The following ICA1L variants were observed in gnomAD, a reference collection of about 807,000 sequenced individuals.
ICA1L encodes islet cell autoantigen 1-like protein.
In ICA1L, 50 loss-of-function variants were observed where a neutral mutation model predicts 61.3. That is an observed-to-expected ratio of 0.82 (90% CI 0.65 to 1.03). ICA1L has a LOEUF of 1.03. Among genes scored for constraint, ICA1L ranks in the 50% least tolerant of loss-of-function variants. The pLI is 0.00. For missense variants in ICA1L, 508 were observed against 556.7 expected (o/e 0.91, Z 0.88); for synonymous variants, 161 against 191.3 (o/e 0.84, Z 1.31).
In ICA1L at chr2:202,866,934, G is replaced by A. The variant is rs191981974; in HGVS notation, c.-8+4685C>T. Among the ~76,000 whole-genome samples, 35 of 152,170 alleles carry A rather than the reference G, an allele frequency of 2.3e-4. No homozygotes were observed. In the East Asian group the frequency reaches 4.2e-3, roughly 18 times the overall value. On this transcript the variant is annotated intron_variant, in intron 1 of 12. Transcript: ENST00000358299. Reference sequence around the variant, plus strand: ...TACACTCCAGCCAGGGCGAGAGCACGAGACTCCATCTCAAAAAACTGTAAA... The same window carrying A: ...TACACTCCAGCCAGGGCGAGAGCACAAGACTCCATCTCAAAAAACTGTAAA...
intron 1 of ICA1L, chr2:202,841,070 G>A: frequency 1.6e-6 from 1 of 638,434 alleles, no homozygotes; most frequent in Non-Finnish European, 3.0e-6. Context: ...CCAAGATCTG[G>A]GACTGCAGCT....
intron 9 of ICA1L, among the ~76,000 whole-genome samples, chr2:202,806,646 C>T (rs1227611343): frequency 2.4e-4 from 26 of 109,904 alleles, no homozygotes; most frequent in Non-Finnish European, 4.4e-4. Context: ...GACTCTGTCT[C>T]AAAAAAAAAA....
In ICA1L at chr2:202,779,062, G is replaced by GA. The variant is rs1692314070; in HGVS notation, c.*470dup. The GA allele has an allele frequency of 6.6e-6, 1 of 152,506 alleles. No homozygotes were observed. The highest frequency in any genetic ancestry group is 1.5e-5 in the Non-Finnish European group (1 of 68,274). 9.4% of individuals were successfully genotyped at this position (152,506 alleles called of 1,614,324 possible). A position where few individuals can be genotyped will look rare whatever the true frequency, so the allele number is the denominator to read the frequency against. On this transcript the variant is annotated 3_prime_UTR_variant, in exon 13 of 13. Coordinates refer to ENST00000358299, the MANE Select transcript of ICA1L (RefSeq NM_001288622.3). ...GGTTCTAATGGTGTTTTCCAAAACA[G>GA]AAAATCCTCCTCGCTACTATTTCAT...
At chr2:202,840,488 C>T in intron 1 of ICA1L, 1 of 519,382 alleles carries the variant, frequency 1.9e-6, no homozygotes, top group Non-Finnish European at 3.8e-6. Context: ...GAGGCTGGGG[C>T]TTGTGAGACC....
chr2:202,792,081 C>A (rs1434895811), intron 10 of ICA1L, among the ~76,000 whole-genome samples: 1 of 151,806 alleles, frequency 6.6e-6, no homozygotes, highest in African/African-American at 2.4e-5. Context: ...GGCAGGAGAA[C>A]CACTTGAACC....
In ICA1L at chr2:202,779,455, A is replaced by AATC. The variant is rs1243115528; in HGVS notation, c.*75_*77dup. ...CACCGTGCTTTTGTGTGCGGGTTAC[A>AATC]ATCTAAATCCTTTCCACGAAGGAAA... On this transcript the variant is annotated 3_prime_UTR_variant, in exon 13 of 13. Coordinates refer to ENST00000358299, the MANE Select transcript of ICA1L (RefSeq NM_001288622.3). 2.4e-6 allele frequency: 2 copies of AATC among 845,754 alleles called. No homozygotes were observed. Among genetic ancestry groups the AATC allele is most frequent in the Non-Finnish European group, 3.8e-6 (2 of 527,524 alleles). 52.4% of individuals were successfully genotyped at this position (845,754 alleles called of 1,614,324 possible). A position where few individuals can be genotyped will look rare whatever the true frequency, so the allele number is the denominator to read the frequency against.
intron 2 of ICA1L, 121 bp downstream of exon 2, chr2:202,828,727 A>G: frequency 2.5e-6 from 2 of 803,344 alleles, no homozygotes; most frequent in Non-Finnish European, 4.1e-6. Flanking sequence ...ACAACTAAAC[A>G]TTCTATTATC....
chr2:202,836,852 T>C (rs1694166914), intron 1 of ICA1L, among the ~76,000 whole-genome samples: 1 of 151,020 alleles, frequency 6.6e-6, no homozygotes, highest in African/African-American at 2.4e-5. Flanking sequence ...TAGATATAGA[T>C]ATTTTTTTAG....
At chr2:202,811,380 C>T (rs997049792) in intron 9 of ICA1L, among the ~76,000 whole-genome samples, 67 of 151,932 alleles carry the variant, frequency 4.4e-4, no homozygotes, top group African/African-American at 1.4e-3. Flanking sequence ...GGAGGCTGGG[C>T]GCGGTGGCTC....
At chr2:202,866,857 G>A (rs1687531840) in intron 1 of ICA1L, among the ~76,000 whole-genome samples, 1 of 152,078 alleles carries the variant, frequency 6.6e-6, no homozygotes, top group South Asian at 2.1e-4. Flanking sequence ...TGAGGCAGGA[G>A]AATCGCTTGA....
rs914511150 is a variant in ICA1L at position 202,776,291 on chromosome 2, C to CT, written c.*3241dup. 5.3e-5 allele frequency: 8 copies of CT among 152,092 alleles called. No individual in the cohort carries two copies. Among genetic ancestry groups the CT allele is most frequent in the Admixed American group, 2.6e-4 (4 of 15,292 alleles). 9.4% of individuals were successfully genotyped at this position (152,092 alleles called of 1,614,324 possible). On this transcript the variant is annotated 3_prime_UTR_variant, in exon 13 of 13. Coordinates refer to ENST00000358299, the MANE Select transcript of ICA1L (RefSeq NM_001288622.3). ...CTCCTAAAAAATGGTTGTAGACACA[C>CT]TAGGCAAAGTTTAGCTCGTCTGGTT...
intron 1 of ICA1L, among the ~76,000 whole-genome samples, chr2:202,835,491 G>T (rs1268570479): frequency 6.6e-6 from 1 of 150,590 alleles, no homozygotes; most frequent in East Asian, 2.0e-4. Context: ...CAGGCGTGAG[G>T]GACCCCACCT....
chr2:202,810,904 C>T (rs898667631), intron 9 of ICA1L, among the ~76,000 whole-genome samples: 5 of 152,100 alleles, frequency 3.3e-5, no homozygotes, highest in African/African-American at 4.8e-5. Context: ...AGGAAATTCC[C>T]GCTTAATAAA....
chr2:202,823,331 C>T (rs1429457884), intron 3 of ICA1L, among the ~76,000 whole-genome samples: 1 of 152,138 alleles, frequency 6.6e-6, no homozygotes, highest in East Asian at 1.9e-4. Flanking sequence ...ATACAATCGT[C>T]TTCAAGAAAT....
At position 202,777,509 on chromosome 2, in the gene ICA1L, G is replaced by A. The variant is rs967215669; in HGVS notation, c.*2024C>T. 2.0e-5 allele frequency: 3 copies of A among 152,100 alleles called. No homozygotes were observed. The highest frequency in any genetic ancestry group is 4.4e-5 in the Non-Finnish European group (3 of 68,030). 9.4% of individuals were successfully genotyped at this position (152,100 alleles called of 1,614,324 possible). A position where few individuals can be genotyped will look rare whatever the true frequency, so the allele number is the denominator to read the frequency against. Reference sequence around the variant, plus strand: ...TCTGGGAAATTTCACTGAGTATAAAGGAAGACTTAAGTCTTCTGAAGAGAT... The same window carrying A: ...TCTGGGAAATTTCACTGAGTATAAAAGAAGACTTAAGTCTTCTGAAGAGAT... On this transcript the variant is annotated 3_prime_UTR_variant, in exon 13 of 13. Transcript: ENST00000358299.
At chr2:202,792,589 G>T (rs1692787133) in intron 10 of ICA1L, among the ~76,000 whole-genome samples, 1 of 152,122 alleles carries the variant, frequency 6.6e-6, no homozygotes. Context: ...CAGATCACAA[G>T]GTCAGGAGAT....
chr2:202,800,847 C>G (rs1693069462), intron 9 of ICA1L, among the ~76,000 whole-genome samples: 1 of 151,950 alleles, frequency 6.6e-6, no homozygotes, highest in Non-Finnish European at 1.5e-5. Context: ...AAGGAAAACA[C>G]ATTTAAAAAG....
rs1209448044 is a variant in ICA1L, at chr2:202,819,686, G to A, written c.558+15C>T. ...TTTCATACACCAAGAAAAGGAAAGG[G>A]ATACGTTTTCATACTTTTCTAAACT... On this transcript the variant is annotated intron_variant, in intron 5 of 12. Transcript: ENST00000358299. 1.9e-6 allele frequency: 3 copies of A among 1,578,662 alleles called. No homozygotes were observed. Among genetic ancestry groups the A allele is most frequent in the Non-Finnish European group, 2.6e-6 (3 of 1,147,950 alleles).
At chr2:202,780,412 T>TTTTA (rs1692366569) in intron 12 of ICA1L, among the ~76,000 whole-genome samples, 1 of 152,168 alleles carries the variant, frequency 6.6e-6, no homozygotes, top group Admixed American at 6.5e-5. Flanking sequence ...GACTGGAAAA[T>TTTTA]TTTATTTCTC....
Sources: allele counts gnomAD v4.1 joint callset (sites outside exome capture counted in the v4.1 genomes callset), GRCh38; gene constraint gnomAD v4.1.1; transcripts MANE v1.5; gene names NCBI Gene and HGNC (gene_info 2026-07-23, HGNC 2026-07-21).